GMDS: variants seen among roughly 807,000 people sequenced by gnomAD.
The protein encoded by GMDS is GDP-mannose 4,6 dehydratase.
Under a neutral mutation model 49.9 loss-of-function variants are expected in GMDS, and 20 were observed. That is an observed-to-expected ratio of 0.40 (90% CI 0.28 to 0.58). The LOEUF (loss-of-function observed/expected upper bound fraction) is 0.58, where lower values mean the gene tolerates loss of function less well. Among genes scored for constraint, GMDS ranks in the 20% least tolerant of loss-of-function variants. The pLI, the probability that GMDS is intolerant of heterozygous loss-of-function variation, is 0.42. For synonymous variants in GMDS, 177 were observed against 178.6 expected (o/e 0.99, Z 0.07); for missense variants, 362 against 481.4 (o/e 0.75, Z 2.32).
At chr6:1,995,785 C>T (rs1043635543) in intron 4 of GMDS, among the ~76,000 whole-genome samples, 2 of 152,226 alleles carry the variant, frequency 1.3e-5, no homozygotes, top group African/African-American at 4.8e-5. Flanking sequence ...AGGCTCTCCA[C>T]TGACTGGGAA....
At chr6:1,816,112 G>C (rs1399611160) in intron 7 of GMDS, among the ~76,000 whole-genome samples, 2 of 152,210 alleles carry the variant, frequency 1.3e-5, no homozygotes, top group African/African-American at 2.4e-5. Context: ...CTCCTGCCTT[G>C]ATCTGACCCT....
rs78497027 is a variant in GMDS at position 2,111,830 on chromosome 6, A to G, written c.345+3941T>C. Among the ~76,000 whole-genome samples the G allele has an allele frequency of 6.2e-4, 94 of 152,386 alleles. 1 individual carries two copies. In the East Asian group the frequency reaches 0.016, roughly 27 times the overall value. On this transcript the variant is annotated intron_variant, in intron 4 of 10. Coordinates refer to ENST00000380815, the MANE Select transcript of GMDS (RefSeq NM_001500.4). ...GAATACAATAAATTCTACAAAGCTG[A>G]TTAATATAGAGAAATTAACTATAAG...
chr6:2,228,116 A>G (rs1170762617), intron 1 of GMDS, among the ~76,000 whole-genome samples: 1 of 152,208 alleles, frequency 6.6e-6, no homozygotes, highest in Non-Finnish European at 1.5e-5. Context: ...TAGAGAAACA[A>G]GAATGGCAGG....
chr6:2,127,120 T>A (rs1775493474), intron 1 of GMDS, among the ~76,000 whole-genome samples: 1 of 152,308 alleles, frequency 6.6e-6, no homozygotes, highest in African/African-American at 2.4e-5. Flanking sequence ...ATAATGACAC[T>A]GACCAATTCA....
intron 2 of GMDS, among the ~76,000 whole-genome samples, chr6:2,121,728 T>C (rs1386333675): frequency 6.6e-6 from 1 of 152,256 alleles, no homozygotes; most frequent in East Asian, 1.9e-4. Context: ...ACTTTCATTT[T>C]GCTTTTCTGA....
At chr6:2,034,238 T>C (rs11242731) in intron 4 of GMDS, among the ~76,000 whole-genome samples, 103,368 of 152,034 alleles carry the variant, frequency 0.68, 35,362 homozygotes, top group Middle Eastern at 0.74. Context: ...TCATCTCTGT[T>C]GTATAATCAT....
chr6:1,953,685 T>C (rs2761237), intron 6 of GMDS, among the ~76,000 whole-genome samples: 2,542 of 152,328 alleles, frequency 0.017, 73 homozygotes, highest in African/African-American at 0.058. Context: ...CAGTCAAAAC[T>C]AGAAATATTG....
chr6:1,808,565 C>G (rs1434348763), intron 7 of GMDS, among the ~76,000 whole-genome samples: 2 of 152,172 alleles, frequency 1.3e-5, no homozygotes, highest in African/African-American at 4.8e-5. Flanking sequence ...ATCCGGCTTC[C>G]TGACAGTGTT....
intron 9 of GMDS, among the ~76,000 whole-genome samples, chr6:1,674,560 C>CTTT (rs869292549): frequency 0.038 from 2,807 of 73,372 alleles, 396 homozygotes; most frequent in East Asian, 0.23. Context: ...CTCTCTCTCT[C>CTTT]TTTTTTTTTT....
chr6:1,898,019 C>G (rs1269171442), intron 7 of GMDS, among the ~76,000 whole-genome samples: 107 of 115,780 alleles, frequency 9.2e-4, no homozygotes, highest in African/African-American at 3.0e-3. Context: ...CCTGGCCTCC[C>G]TTGCCATCCT....
intron 1 of GMDS, among the ~76,000 whole-genome samples, chr6:2,149,801 T>G (rs1776758094): frequency 6.6e-6 from 1 of 152,192 alleles, no homozygotes; most frequent in Admixed American, 6.5e-5. Context: ...TTTAACTGAC[T>G]TTACAAGCTG....
At chr6:1,791,057 T>C (rs1769520509) in intron 7 of GMDS, among the ~76,000 whole-genome samples, 1 of 152,122 alleles carries the variant, frequency 6.6e-6, no homozygotes, top group African/African-American at 2.4e-5. Context: ...ATGTACTTTG[T>C]AGGCACTGGA....
At chr6:1,642,476 G>A (rs773840363) in intron 9 of GMDS, among the ~76,000 whole-genome samples, 6 of 152,072 alleles carry the variant, frequency 3.9e-5, no homozygotes, top group South Asian at 2.1e-4. Flanking sequence ...GCCAGTTTCC[G>A]TCTTTAAACC....
chr6:2,017,596 A>G (rs901653364), intron 4 of GMDS, among the ~76,000 whole-genome samples: 4 of 152,162 alleles, frequency 2.6e-5, no homozygotes, highest in Non-Finnish European at 5.9e-5. Flanking sequence ...GGTGTGAGCT[A>G]CCGTGTCCAG....
chr6:2,030,987 A>G (rs1051015962), intron 4 of GMDS, among the ~76,000 whole-genome samples: 3 of 152,212 alleles, frequency 2.0e-5, no homozygotes, highest in Non-Finnish European at 4.4e-5. Flanking sequence ...CGTAAAGATG[A>G]TCACATTACT....
chr6:1,690,227 T>A (rs1230448729), intron 9 of GMDS, among the ~76,000 whole-genome samples: 1 of 152,248 alleles, frequency 6.6e-6, no homozygotes, highest in Non-Finnish European at 1.5e-5. Flanking sequence ...CTCTTTAGTT[T>A]AATTAGATCC....
intron 9 of GMDS, among the ~76,000 whole-genome samples, chr6:1,685,009 C>T (rs1182500532): frequency 8.8e-6 from 1 of 113,862 alleles, no homozygotes; most frequent in Admixed American, 8.2e-5. Flanking sequence ...TGCTCCCTCT[C>T]TCCCCCCCCT....
intron 1 of GMDS, among the ~76,000 whole-genome samples, chr6:2,185,803 C>T (rs1257695422): frequency 6.6e-6 from 1 of 152,182 alleles, no homozygotes; most frequent in South Asian, 2.1e-4. Context: ...CCATTCAGAA[C>T]ACATCAGCCT....
intron 9 of GMDS, among the ~76,000 whole-genome samples, chr6:1,637,782 C>T (rs909825332): frequency 1.3e-4 from 20 of 152,184 alleles, no homozygotes; most frequent in African/African-American, 2.9e-4. Flanking sequence ...AAGGGTTCCC[C>T]GAGGGCCCTT....
Sources: allele counts gnomAD v4.1 joint callset (sites outside exome capture counted in the v4.1 genomes callset), GRCh38; gene constraint gnomAD v4.1.1; transcripts MANE v1.5; gene names NCBI Gene and HGNC (gene_info 2026-07-23, HGNC 2026-07-21).